Variants in NRXN1 observed in about 807,000 individuals in gnomAD.
The protein encoded by NRXN1 is neurexin-1.
In NRXN1, 39 loss-of-function variants were observed where a neutral mutation model predicts 150.9. That is an observed-to-expected ratio of 0.26 (90% confidence interval 0.20 to 0.34). NRXN1 has a LOEUF of 0.34. NRXN1 is among the 10% of genes least tolerant of loss of function. The pLI, the probability that NRXN1 is intolerant of heterozygous loss-of-function variation, is 1.00. For synonymous variants in NRXN1, 924 were observed against 757.0 expected (o/e 1.22, Z -3.62); for missense variants, 1,815 against 1,949.9 (o/e 0.93, Z 1.30).
chr2:50,072,579 T>G (rs1424460545), intron 19 of NRXN1, among the ~76,000 whole-genome samples: 1 of 148,712 alleles, frequency 6.7e-6, no homozygotes, highest in Non-Finnish European at 1.5e-5. Context: ...ATTAGTTTTG[T>G]GAGGCTTGCT....
chr2:50,984,280 G>A (rs868129691), intron 2 of NRXN1, among the ~76,000 whole-genome samples: 1 of 150,706 alleles, frequency 6.6e-6, no homozygotes, highest in African/African-American at 2.4e-5. Flanking sequence ...CCACCAGAGT[G>A]TTCTCTGTAT....
intron 17 of NRXN1, among the ~76,000 whole-genome samples, chr2:50,361,144 GC>G (rs1298564734): frequency 2.0e-5 from 3 of 152,120 alleles, no homozygotes; most frequent in Non-Finnish European, 1.5e-5. Flanking sequence ...AGCACATAAT[GC>G]CCACAGGAGA....
At chr2:50,588,788 A>C (rs900226893) in intron 8 of NRXN1, 4 of 152,140 alleles carry the variant, frequency 2.6e-5, no homozygotes, top group African/African-American at 9.7e-5. Flanking sequence ...AGATCATTTG[A>C]TGTTACTTCT....
In NRXN1 at chr2:50,531,415, C is replaced by T. The variant is rs2105208411; in HGVS notation, c.2159G>A (p.Ser720Asn). 6.2e-7 allele frequency: 1 copy of T among 1,611,122 alleles called. No homozygotes were observed. The highest frequency in any genetic ancestry group is 1.1e-5 in the South Asian group (1 of 90,440). ...RSCEREATVLSYDGSMFMKIQ... is the reference protein window; with the variant it reads ...RSCEREATVLNYDGSMFMKIQ... ...TTTCATAAACATGCTCCCATCATAG[C>T]TCAAAACCGTTGCCTCTAGAGATGG... The change falls in exon 11 of 23, where the codon AGC becomes AAC. Residue 720 changes from serine to asparagine, a missense_variant. By Grantham distance (46) the Ser-to-Asn change is conservative. Around this residue, in one of 6 missense-constraint regions of NRXN1, gnomAD observed 638 missense variants for 652.6 expected, o/e 0.98. Coordinates refer to ENST00000401669, the MANE Select transcript of NRXN1 (RefSeq NM_001330078.2).
At chr2:50,449,669 T>C (rs780293672) in intron 17 of NRXN1, among the ~76,000 whole-genome samples, 2 of 152,206 alleles carry the variant, frequency 1.3e-5, no homozygotes, top group South Asian at 4.1e-4. Context: ...GTTTGTTACA[T>C]GGGTATATGT....
intron 8 of NRXN1, among the ~76,000 whole-genome samples, chr2:50,591,095 A>G (rs1474209119): frequency 2.0e-5 from 3 of 152,166 alleles, no homozygotes; most frequent in African/African-American, 7.2e-5. Context: ...TGCCCACAGC[A>G]CTCCAGGGGT....
chr2:50,848,885 G>T (rs974005623), intron 5 of NRXN1, among the ~76,000 whole-genome samples: 4 of 152,130 alleles, frequency 2.6e-5, no homozygotes, highest in African/African-American at 9.7e-5. Context: ...TTTATAGGAA[G>T]TGGGCAAAGG....
intron 18 of NRXN1, among the ~76,000 whole-genome samples, chr2:50,114,777 G>A (rs971035500): frequency 7.9e-5 from 12 of 152,016 alleles, no homozygotes; most frequent in African/African-American, 2.9e-4. Flanking sequence ...CCTACACACT[G>A]TATGATTTCA....
chr2:50,567,571 GAT>G (rs1233073441), intron 8 of NRXN1, among the ~76,000 whole-genome samples: 1 of 127,892 alleles, frequency 7.8e-6, no homozygotes, highest in African/African-American at 3.5e-5. Flanking sequence ...TTTAAATAAA[GAT>G]ATAGAATCTG....
chr2:50,619,036 T>A (rs1290484874), intron 8 of NRXN1: 1 of 152,072 alleles, frequency 6.6e-6, no homozygotes, highest in African/African-American at 2.4e-5. Context: ...TATGTTCACA[T>A]AAAGAGAAGA....
intron 21 of NRXN1, among the ~76,000 whole-genome samples, chr2:50,012,881 C>T (rs999913662): frequency 6.6e-6 from 1 of 152,038 alleles, no homozygotes; most frequent in Non-Finnish European, 1.5e-5. Flanking sequence ...GAATGGATTG[C>T]ACTCCTGAAG....
chr2:50,089,250 C>T (rs1000660303), intron 19 of NRXN1, among the ~76,000 whole-genome samples: 15 of 152,108 alleles, frequency 9.9e-5, no homozygotes, highest in Non-Finnish European at 1.8e-4. Flanking sequence ...AAAACCATGC[C>T]TCAAGAGGCA....
At chr2:51,019,831 C>CT (rs1199465981) in intron 2 of NRXN1, among the ~76,000 whole-genome samples, 1 of 151,964 alleles carries the variant, frequency 6.6e-6, no homozygotes, top group Non-Finnish European at 1.5e-5. Context: ...AATTCAAACA[C>CT]TGTATACAGT....
At chr2:49,944,995 G>GTGA (rs1672637518) in intron 21 of NRXN1, 1 of 152,162 alleles carries the variant, frequency 6.6e-6, no homozygotes, top group South Asian at 2.1e-4. Flanking sequence ...GAGACGAGGG[G>GTGA]TGATGAACTT....
intron 17 of NRXN1, among the ~76,000 whole-genome samples, chr2:50,446,041 T>A (rs1181060392): frequency 6.6e-6 from 1 of 152,158 alleles, no homozygotes. Context: ...ATATTTATAC[T>A]GTATTGTATC....
intron 5 of NRXN1, among the ~76,000 whole-genome samples, chr2:50,760,318 C>T (rs1403983615): frequency 6.6e-6 from 1 of 151,844 alleles, no homozygotes; most frequent in African/African-American, 2.4e-5. Context: ...TTTTATGGCA[C>T]ATGGAAAGGC....
intron 17 of NRXN1, among the ~76,000 whole-genome samples, chr2:50,249,731 G>A (rs1050533137): frequency 1.3e-5 from 2 of 151,692 alleles, no homozygotes; most frequent in East Asian, 2.0e-4. Flanking sequence ...TCTGCCTCCC[G>A]GGTTCAAGCT....
At chr2:50,225,908 G>C (rs1004303694) in intron 18 of NRXN1, among the ~76,000 whole-genome samples, 4 of 151,972 alleles carry the variant, frequency 2.6e-5, no homozygotes, top group African/African-American at 9.7e-5. Context: ...GCTTTATGTA[G>C]CAGATATCTG....
At chr2:50,984,464 C>T (rs1409060608) in intron 2 of NRXN1, among the ~76,000 whole-genome samples, 1 of 151,980 alleles carries the variant, frequency 6.6e-6, no homozygotes, top group East Asian at 1.9e-4. Context: ...CTCCATTTTA[C>T]AGTACAGACC....
Sources: allele counts gnomAD v4.1 joint callset (sites outside exome capture counted in the v4.1 genomes callset), GRCh38; gene constraint gnomAD v4.1.1; regional missense constraint gnomAD v4.1.1; transcripts MANE v1.5; gene names NCBI Gene and HGNC (gene_info 2026-07-23, HGNC 2026-07-21).